RAB11FIP3: variants seen among roughly 807,000 people sequenced by gnomAD.
RAB11FIP3 encodes the protein RAB11 family interacting protein 3.
Under a neutral mutation model 77.8 loss-of-function variants are expected in RAB11FIP3, and 17 were observed. The observed-to-expected ratio is 0.22, with a 90% confidence interval of 0.15 to 0.33. The LOEUF (loss-of-function observed/expected upper bound fraction) is 0.33, where lower values mean the gene tolerates loss of function less well. Among genes scored for constraint, RAB11FIP3 ranks in the 10% least tolerant of loss-of-function variants. RAB11FIP3 has a pLI of 1.00. For synonymous variants in RAB11FIP3, 437 were observed against 448.2 expected, an observed-to-expected ratio of 0.98 and a Z score of 0.31; for missense variants, 1,005 against 1,011.2, an observed-to-expected ratio of 0.99 and a Z score of 0.08.
At chr16:467,560 G>A (rs192792297) in intron 2 of RAB11FIP3, among the ~76,000 whole-genome samples, 2 of 114,792 alleles carry the variant, frequency 1.7e-5, no homozygotes, top group Non-Finnish European at 3.7e-5. Context: ...CAGGGAGGAG[G>A]TGCTGGGACG....
intron 1 of RAB11FIP3, among the ~76,000 whole-genome samples, chr16:457,938 T>C (rs2055530003): frequency 6.6e-6 from 1 of 152,228 alleles, no homozygotes; most frequent in Admixed American, 6.5e-5. Flanking sequence ...GGAGATGTTT[T>C]ATAAACTCCA....
At chr16:508,492 G>C (rs2031980501) in intron 8 of RAB11FIP3, among the ~76,000 whole-genome samples, 1 of 152,216 alleles carries the variant, frequency 6.6e-6, no homozygotes, top group Non-Finnish European at 1.5e-5. Context: ...TCCTGCCTCA[G>C]CCTCCCAAGT....
rs768186265 is a variant in RAB11FIP3 at position 520,218 on chromosome 16, G to C, written c.1957G>C (p.Glu653Gln). ...RGRSSSMGLQ[E>Q]YHSRARESEL... ...CCGCAGCAGCAGCATGGGCCTGCAG[G>C]AGTACCACAGCCGCGCCCGGGAGAG... Residue 653 changes from glutamate to glutamine, a missense_variant, in exon 12 of 14, where the codon GAG (glutamate) becomes CAG (glutamine). By Grantham distance (29) the Glu-to-Gln change is conservative. Around this residue, in one of 4 missense-constraint regions of RAB11FIP3, gnomAD observed 433 missense variants for 436.1 expected, o/e 0.99. Transcript: ENST00000262305. The C allele has an allele frequency of 7.8e-6, 12 of 1,545,830 alleles. No homozygotes were observed. Among genetic ancestry groups the C allele is most frequent in the Non-Finnish European group, 1.0e-5 (12 of 1,147,970 alleles).
At chr16:463,430 G>T (rs866432871) in intron 2 of RAB11FIP3, among the ~76,000 whole-genome samples, 1,406 of 82,478 alleles carry the variant, frequency 0.017, 70 homozygotes, top group African/African-American at 0.063. Flanking sequence ...TTGTTCCCCG[G>T]TTTTTTTTTT....
At chr16:493,884 C>T (rs1337239606) in intron 5 of RAB11FIP3, among the ~76,000 whole-genome samples, 1 of 142,330 alleles carries the variant, frequency 7.0e-6, no homozygotes, top group Non-Finnish European at 1.5e-5. Flanking sequence ...AGCCACTGCA[C>T]CCAGCCTGCC....
In RAB11FIP3 at chr16:491,321, C is replaced by T. The variant is rs537397581; in HGVS notation, c.1265+2321C>T. ...TCTGTTCCCAGGGTGTGGGGGACTC[C>T]GGATACCCACAGCCCCCTTGAGGGC... On this transcript the variant is annotated intron_variant, in intron 5 of 13. Coordinates refer to ENST00000262305, the MANE Select transcript of RAB11FIP3 (RefSeq NM_014700.4). The T allele has an allele frequency of 5.2e-4, 660 of 1,280,942 alleles. 1 individual carries two copies. The highest frequency in any genetic ancestry group is 1.2e-3 in the Middle Eastern group (5 of 4,218). 79.3% of individuals were successfully genotyped at this position (1,280,942 alleles called of 1,614,324 possible).
chr16:477,648 C>T (rs1174578004), intron 3 of RAB11FIP3: 1 of 985,338 alleles, frequency 1.0e-6, no homozygotes, highest in African/African-American at 1.7e-5. Flanking sequence ...TGGGAGCTGC[C>T]CAGGGACGGT....
rs139081940 is a variant in RAB11FIP3 at position 486,945 on chromosome 16, C to G, written c.1116-1906C>G. Among the ~76,000 whole-genome samples the G allele has an allele frequency of 6.4e-4, 98 of 152,242 alleles. No individual in the cohort carries two copies. In the East Asian group the frequency reaches 0.015, roughly 23 times the overall value. On this transcript the variant is annotated intron_variant, in intron 4 of 13. Transcript: ENST00000262305. ...CTGAGCCTGTTGGTAAAACAAGCAC[C>G]CAATCATAAGAAACAGAAAATAAGG...
At chr16:478,973 A>G (rs1453550174) in intron 3 of RAB11FIP3, among the ~76,000 whole-genome samples, 3 of 151,892 alleles carry the variant, frequency 2.0e-5, no homozygotes, top group Admixed American at 6.6e-5. Context: ...TCAAAAAACA[A>G]GAACAATTAG....
At chr16:487,724 C>T (rs2141758866) in intron 4 of RAB11FIP3, among the ~76,000 whole-genome samples, 1 of 152,312 alleles carries the variant, frequency 6.6e-6, no homozygotes, top group Admixed American at 6.5e-5. Flanking sequence ...ACAGGAGCCG[C>T]TGAAGGCACA....
chr16:494,909 G>T (rs12920990), intron 5 of RAB11FIP3, among the ~76,000 whole-genome samples: 82 of 6,812 alleles, frequency 0.012, no homozygotes, highest in South Asian at 0.029. Context: ...CACATGAGCC[G>T]GGGAGGTCGA....
intron 1 of RAB11FIP3, among the ~76,000 whole-genome samples, chr16:440,688 C>T (rs767681135): frequency 3.3e-5 from 5 of 152,324 alleles, no homozygotes; most frequent in Non-Finnish European, 5.9e-5. Context: ...TGCTTTTATC[C>T]CTTATGGGAA....
At position 462,443 on chromosome 16, in the gene RAB11FIP3, G is replaced by A. The variant is rs8055632; in HGVS notation, c.808+946G>A. ...AGAGACGGGGTTTCACCATGTTGGCGGGGCTGGTCTTGAACTCCTGACCTC... is the reference window on the plus strand; with the variant it reads ...AGAGACGGGGTTTCACCATGTTGGCAGGGCTGGTCTTGAACTCCTGACCTC... On this transcript the variant is annotated intron_variant, in intron 2 of 13. Coordinates refer to ENST00000262305, the MANE Select transcript of RAB11FIP3 (RefSeq NM_014700.4). 3.4e-3 allele frequency among the ~76,000 whole-genome samples: 515 copies of A among 152,124 alleles called. 4 individuals are homozygous for A. Among genetic ancestry groups the A allele is most frequent in the African/African-American group, 0.012 (504 of 41,490 alleles).
chr16:487,498 T>A (rs975932866), intron 4 of RAB11FIP3, among the ~76,000 whole-genome samples: 1 of 152,160 alleles, frequency 6.6e-6, no homozygotes, highest in African/African-American at 2.4e-5. Flanking sequence ...TGGGCATTTC[T>A]GCGGGTGTGA....
chr16:445,025 A>G (rs985889775), intron 1 of RAB11FIP3, among the ~76,000 whole-genome samples: 3 of 149,684 alleles, frequency 2.0e-5, no homozygotes, highest in African/African-American at 7.5e-5. Flanking sequence ...GAGGCAGGAG[A>G]ATGGCGTGAA....
intron 6 of RAB11FIP3, 157 bp from the exon 7 acceptor site, chr16:502,847 C>A: frequency 1.5e-6 from 1 of 674,040 alleles, no homozygotes; most frequent in South Asian, 1.7e-5. Context: ...GTATATAGTG[C>A]TTTAAGTGGG....
chr16:434,433 C>CT (rs1269247233), intron 1 of RAB11FIP3, among the ~76,000 whole-genome samples: 1 of 150,732 alleles, frequency 6.6e-6, no homozygotes, highest in African/African-American at 2.4e-5. Flanking sequence ...CAGATGTATA[C>CT]TTTATTTTTT....
At chr16:516,739 C>T (rs927759163) in intron 9 of RAB11FIP3, among the ~76,000 whole-genome samples, 5 of 152,122 alleles carry the variant, frequency 3.3e-5, no homozygotes, top group African/African-American at 4.8e-5. Flanking sequence ...TAGCCAGGCG[C>T]GGTGGCGGCC....
chr16:482,087 C>T (rs1213675637), intron 3 of RAB11FIP3, among the ~76,000 whole-genome samples: 3 of 61,598 alleles, frequency 4.9e-5, no homozygotes, highest in Non-Finnish European at 9.5e-5. Context: ...CAGGTGCCAC[C>T]GCACCTGGGC....
Sources: gnomAD v4.1 joint callset for allele counts (sites outside exome capture counted in the v4.1 genomes callset) on GRCh38, gnomAD v4.1.1 for gene constraint, gnomAD v4.1.1 regional missense constraint, MANE v1.5 for transcripts, NCBI Gene and HGNC (gene_info 2026-07-23, HGNC 2026-07-21) for gene names.